TTLL5: variants seen among roughly 807,000 people sequenced by gnomAD.
The protein encoded by TTLL5 is tubulin tyrosine ligase like 5.
TTLL5 carries 132 observed loss-of-function variants against 168.4 expected under a neutral mutation model. The observed-to-expected ratio is 0.78, with a 90% CI of 0.68 to 0.91. The LOEUF is 0.91. Ranked by LOEUF, TTLL5 falls within the 40% of genes least tolerant of loss-of-function variation. The pLI is 0.00. For synonymous variants in TTLL5, 546 were observed against 558.6 expected (o/e 0.98, Z 0.32); for missense variants, 1,545 against 1,581.5 (o/e 0.98, Z 0.39).
At chr14:75,750,666 C>T (rs936430609) in intron 17 of TTLL5, among the ~76,000 whole-genome samples, 3 of 151,706 alleles carry the variant, frequency 2.0e-5, no homozygotes, top group Admixed American at 6.6e-5. Context: ...AAGTTATATG[C>T]GGATTTTTGA....
chr14:75,875,781 A>T (rs1428145554), intron 29 of TTLL5, among the ~76,000 whole-genome samples: 2 of 152,236 alleles, frequency 1.3e-5, no homozygotes, highest in Non-Finnish European at 2.9e-5. Flanking sequence ...GTGTCATGTG[A>T]TTCCGTGTTT....
intron 20 of TTLL5, among the ~76,000 whole-genome samples, chr14:75,770,544 C>T (rs930284228): frequency 1.3e-5 from 2 of 152,224 alleles, no homozygotes; most frequent in African/African-American, 2.4e-5. Flanking sequence ...ATTTTGGCTA[C>T]AGTATCAGAA....
chr14:75,661,451 G>C (rs1445246169), intron 1 of TTLL5, 64 bp downstream of exon 1: 2 of 152,320 alleles, frequency 1.3e-5, no homozygotes, highest in Non-Finnish European at 2.9e-5. Flanking sequence ...CCGGGCTGGC[G>C]CCTGCAGCAG....
intron 18 of TTLL5, among the ~76,000 whole-genome samples, chr14:75,757,248 G>C (rs1219381344): frequency 6.6e-6 from 1 of 152,154 alleles, no homozygotes; most frequent in African/African-American, 2.4e-5. Context: ...AAAGTGCTAG[G>C]ATTACAGCTG....
intron 28 of TTLL5, among the ~76,000 whole-genome samples, chr14:75,861,612 T>G (rs2030010351): frequency 6.6e-6 from 1 of 152,172 alleles, no homozygotes; most frequent in Non-Finnish European, 1.5e-5. Flanking sequence ...TTTTCTCAAT[T>G]TAGGCACCCT....
intron 6 of TTLL5, among the ~76,000 whole-genome samples, chr14:75,690,915 C>T (rs974480817): frequency 6.6e-6 from 1 of 152,306 alleles, no homozygotes; most frequent in East Asian, 1.9e-4. Flanking sequence ...CCACCACACC[C>T]GGCCTGTAAG....
chr14:75,668,615 C>T (rs1226875159), intron 2 of TTLL5, among the ~76,000 whole-genome samples: 2 of 151,956 alleles, frequency 1.3e-5, no homozygotes, highest in African/African-American at 2.4e-5. Flanking sequence ...TCTTTTTCTC[C>T]CCTGTGGTTT....
At chr14:75,771,269 A>C (rs1013255837) in intron 20 of TTLL5, among the ~76,000 whole-genome samples, 1 of 152,200 alleles carries the variant, frequency 6.6e-6, no homozygotes, top group Non-Finnish European at 1.5e-5. Context: ...TCTACTAAAA[A>C]TACAAAAATT....
chr14:75,905,803 A>G (rs1459506638), intron 31 of TTLL5, among the ~76,000 whole-genome samples: 1 of 152,202 alleles, frequency 6.6e-6, no homozygotes, highest in African/African-American at 2.4e-5. Context: ...AGGAGTCTGA[A>G]GCCGCAGCAG....
chr14:75,713,701 A>T (rs150908704), intron 9 of TTLL5, among the ~76,000 whole-genome samples: 2 of 152,328 alleles, frequency 1.3e-5, no homozygotes, highest in South Asian at 4.1e-4. Context: ...AGACTGGAGA[A>T]TGGAGAGTAC....
intron 28 of TTLL5, among the ~76,000 whole-genome samples, chr14:75,849,380 A>G (rs976470535): frequency 1.3e-5 from 2 of 152,250 alleles, no homozygotes. Context: ...CACAAAGAGC[A>G]GTTCTTATGA....
At chr14:75,933,401 C>T (rs772386718) in intron 31 of TTLL5, among the ~76,000 whole-genome samples, 7 of 152,138 alleles carry the variant, frequency 4.6e-5, no homozygotes, top group South Asian at 2.1e-4. Context: ...AGGTCAAGGC[C>T]GCAGTCAGCC....
intron 24 of TTLL5, among the ~76,000 whole-genome samples, chr14:75,780,649 T>C (rs1891994553): frequency 6.6e-6 from 1 of 152,226 alleles, no homozygotes; most frequent in Non-Finnish European, 1.5e-5. Context: ...TAATCTAATA[T>C]GGAAATAGCC....
chr14:75,796,806 C>A (rs922302855), intron 27 of TTLL5, among the ~76,000 whole-genome samples: 2 of 152,016 alleles, frequency 1.3e-5, no homozygotes, highest in Non-Finnish European at 2.9e-5. Context: ...TATACCAGTA[C>A]CATGCTGTTT....
chr14:75,715,433 C>T (rs1194994658), intron 9 of TTLL5, among the ~76,000 whole-genome samples: 1 of 152,118 alleles, frequency 6.6e-6, no homozygotes, highest in Admixed American at 6.5e-5. Context: ...CAGTAGGTCA[C>T]ATTCAAGACT....
intron 31 of TTLL5, among the ~76,000 whole-genome samples, chr14:75,911,292 C>T (rs926284378): frequency 4.6e-5 from 7 of 152,196 alleles, no homozygotes; most frequent in Non-Finnish European, 8.8e-5. Context: ...CTTGGCCTCC[C>T]AAAGTGCTAG....
chr14:75,871,113 A>G (rs1289346644), intron 29 of TTLL5, among the ~76,000 whole-genome samples: 1 of 152,046 alleles, frequency 6.6e-6, no homozygotes, highest in East Asian at 1.9e-4. Context: ...CTTTTTCAAT[A>G]TCATATAAGT....
At chr14:75,732,526 A>G in intron 13 of TTLL5, 107 bp downstream of exon 13, 1 of 927,506 alleles carries the variant, frequency 1.1e-6, no homozygotes, top group Non-Finnish European at 1.6e-6. Context: ...TTTTTTTCCT[A>G]GTTATTAGGT....
intron 28 of TTLL5, among the ~76,000 whole-genome samples, chr14:75,841,886 T>C (rs942973841): frequency 6.6e-6 from 1 of 152,210 alleles, no homozygotes; most frequent in Non-Finnish European, 1.5e-5. Flanking sequence ...TTTTCATGTA[T>C]TTTTCTGTGA....
Sources: gnomAD v4.1 joint callset for allele counts (sites outside exome capture counted in the v4.1 genomes callset) on GRCh38, gnomAD v4.1.1 for gene constraint, MANE v1.5 for transcripts, NCBI Gene and HGNC (gene_info 2026-07-23, HGNC 2026-07-21) for gene names.